RGS17: variants seen among roughly 807,000 people sequenced by gnomAD.
RGS17 encodes the protein regulator of G protein signaling 17.
A neutral mutation model predicts 25.5 loss-of-function variants in RGS17; 12 were observed. The ratio of observed to expected loss-of-function variants is 0.47; its 90% CI spans 0.30 to 0.76. The LOEUF (loss-of-function observed/expected upper bound fraction) is 0.76. Ranked by LOEUF, RGS17 falls within the 30% of genes least tolerant of loss-of-function variation. The pLI is 0.07. For missense variants in RGS17, 196 were observed against 242.2 expected (o/e 0.81, Z 1.27); for synonymous variants, 71 against 76.9 (o/e 0.92, Z 0.40).
intron 2 of RGS17, among the ~76,000 whole-genome samples, chr6:153,040,148 T>A (rs1430529598): frequency 1.3e-5 from 2 of 152,256 alleles, no homozygotes; most frequent in Middle Eastern, 6.8e-3. Flanking sequence ...GCAAGGGCTA[T>A]GAGGAGAAAA....
intron 4 of RGS17, among the ~76,000 whole-genome samples, chr6:153,021,460 G>A (rs1448902416): frequency 6.6e-6 from 1 of 152,196 alleles, no homozygotes; most frequent in African/African-American, 2.4e-5. Context: ...CATGCGCTGA[G>A]TATATCAATG....
rs746561190 is a variant in RGS17, at chr6:153,007,203, C to T, written c.*4371G>A. 1.3e-5 allele frequency: 2 copies of T among 152,146 alleles called. No homozygotes were observed. Among genetic ancestry groups the T allele is most frequent in the Non-Finnish European group, 2.9e-5 (2 of 68,036 alleles). 9.4% of individuals were successfully genotyped at this position (152,146 alleles called of 1,614,324 possible). On this transcript the variant is annotated 3_prime_UTR_variant, in exon 5 of 5. Transcript: ENST00000206262. ...AGAAATAATACTTGTCATTGTGCACCATCTTGTGTTGCAAGGATATTTTAA... is the reference window on the plus strand; with the variant it reads ...AGAAATAATACTTGTCATTGTGCACTATCTTGTGTTGCAAGGATATTTTAA...
At chr6:153,063,656 G>C (rs78966768) in intron 1 of RGS17, among the ~76,000 whole-genome samples, 2,132 of 152,156 alleles carry the variant, frequency 0.014, 49 homozygotes, top group African/African-American at 0.048. Flanking sequence ...GAAAGAGAAG[G>C]GTAGAAAGTT....
chr6:153,037,586 C>T (rs544446239), intron 2 of RGS17, among the ~76,000 whole-genome samples: 8 of 152,018 alleles, frequency 5.3e-5, no homozygotes, highest in South Asian at 4.2e-4. Context: ...CCACCACACC[C>T]GGCTAATTTT....
In RGS17 at chr6:153,043,892, T is replaced by G; in HGVS notation, c.119+8A>C. 6.3e-7 allele frequency: 1 copy of G among 1,587,830 alleles called. No homozygotes were observed. Among genetic ancestry groups the G allele is most frequent in the Non-Finnish European group, 8.6e-7 (1 of 1,159,830 alleles). Reference sequence around the variant, plus strand: ...TGGGTGTGGCATCCTACAGGTAACATGACATACCAGGAGCAGCTGCAACAA... The same window carrying G: ...TGGGTGTGGCATCCTACAGGTAACAGGACATACCAGGAGCAGCTGCAACAA... On this transcript the variant is annotated splice_region_variant and intron_variant, in intron 2 of 4. Transcript: ENST00000206262.
chr6:153,019,291 G>A (rs879377667), intron 4 of RGS17, among the ~76,000 whole-genome samples: 7 of 152,140 alleles, frequency 4.6e-5, no homozygotes, highest in Admixed American at 1.3e-4. Flanking sequence ...CTGGACCATG[G>A]TTTTCTTCAA....
intron 4 of RGS17, among the ~76,000 whole-genome samples, chr6:153,020,098 C>T (rs1224916999): frequency 1.2e-3 from 63 of 51,816 alleles, no homozygotes; most frequent in African/African-American, 5.4e-3. Flanking sequence ...TTGCAAATAT[C>T]TTAAAAAAAA....
intron 1 of RGS17, among the ~76,000 whole-genome samples, chr6:153,061,814 T>C (rs946201284): frequency 1.3e-5 from 2 of 152,230 alleles, no homozygotes; most frequent in Non-Finnish European, 2.9e-5. Context: ...AGGTTACCTG[T>C]GATTCTCTCT....
intron 1 of RGS17, among the ~76,000 whole-genome samples, chr6:153,097,421 C>T (rs996355893): frequency 6.6e-6 from 1 of 150,536 alleles, no homozygotes; most frequent in Non-Finnish European, 1.5e-5. Flanking sequence ...GCCGCAGCCT[C>T]CCACAATAGT....
intron 1 of RGS17, among the ~76,000 whole-genome samples, chr6:153,059,432 A>C (rs1300609035): frequency 6.6e-6 from 1 of 152,010 alleles, no homozygotes; most frequent in Non-Finnish European, 1.5e-5. Context: ...TCAACTTTCT[A>C]TTTGCTTCTT....
rs1776497901 is a variant in RGS17, at chr6:153,053,924, TGTATATATATGTATATATAATATATATAC to T, written c.-25-9910_-25-9882del. Among the ~76,000 whole-genome samples, 2 of 49,974 alleles carry T rather than the reference TGTATATATATGTATATATAATATATATAC, an allele frequency of 4.0e-5. 1 individual carries two copies. Among genetic ancestry groups the T allele is most frequent in the African/African-American group, 2.6e-4 (2 of 7,652 alleles). 32.8% of individuals were successfully genotyped at this position (49,974 alleles called of 152,430 possible). On this transcript the variant is annotated intron_variant, in intron 1 of 4. Coordinates refer to ENST00000206262, the MANE Select transcript of RGS17 (RefSeq NM_012419.5). ...CATACATACACACATTATATATATA[TGTATATATATGTATATATAATATATATAC>T]ATATATATTATATACATATATATGT...
intron 1 of RGS17, among the ~76,000 whole-genome samples, chr6:153,054,030 TATACA>T (rs1562321496): frequency 0.11 from 5,915 of 52,270 alleles, 1,221 homozygotes; most frequent in East Asian, 0.19. Flanking sequence ...ATATAATATA[TATACA>T]TATATATGTA....
At chr6:153,030,998 T>C (rs1584125251) in intron 2 of RGS17, among the ~76,000 whole-genome samples, 1 of 152,294 alleles carries the variant, frequency 6.6e-6, no homozygotes, top group East Asian at 1.9e-4. Context: ...AATGGGCAGT[T>C]GTTTGCCAGA....
intron 3 of RGS17, among the ~76,000 whole-genome samples, chr6:153,024,764 A>C (rs999283455): frequency 6.6e-6 from 1 of 152,202 alleles, no homozygotes; most frequent in African/African-American, 2.4e-5. Context: ...CATAATATGC[A>C]TGCAGTCATC....
At chr6:153,094,110 C>G (rs1397659983) in intron 1 of RGS17, among the ~76,000 whole-genome samples, 1 of 149,666 alleles carries the variant, frequency 6.7e-6, no homozygotes, top group Non-Finnish European at 1.5e-5. Context: ...GACTCTCATT[C>G]TGTCGCCCAG....
chr6:153,045,301 G>A (rs1252200838), intron 1 of RGS17, among the ~76,000 whole-genome samples: 2 of 152,216 alleles, frequency 1.3e-5, no homozygotes, highest in Non-Finnish European at 2.9e-5. Context: ...CCTAGGAGGA[G>A]TGGGAGTCTG....
intron 1 of RGS17, among the ~76,000 whole-genome samples, chr6:153,111,601 G>T (rs753116914): frequency 6.6e-6 from 1 of 152,204 alleles, no homozygotes; most frequent in African/African-American, 2.4e-5. Context: ...CTAAGGGACC[G>T]ACTGCCTCCT....
intron 1 of RGS17, among the ~76,000 whole-genome samples, chr6:153,046,876 C>T (rs1776391979): frequency 6.6e-6 from 1 of 152,016 alleles, no homozygotes; most frequent in Non-Finnish European, 1.5e-5. Context: ...AGAACAAAGC[C>T]TCACATAAAG....
chr6:153,127,772 T>A (rs1342501075), intron 1 of RGS17, among the ~76,000 whole-genome samples: 2 of 152,334 alleles, frequency 1.3e-5, no homozygotes, highest in Non-Finnish European at 2.9e-5. Context: ...CCTCCAAAGA[T>A]GTAGGACCAT....
Sources: gnomAD v4.1 joint callset for allele counts (sites outside exome capture counted in the v4.1 genomes callset) on GRCh38, gnomAD v4.1.1 for gene constraint, MANE v1.5 for transcripts, NCBI Gene and HGNC (gene_info 2026-07-23, HGNC 2026-07-21) for gene names.